Variants in ABCD3 observed in about 807,000 individuals in gnomAD.
ABCD3 encodes the protein ATP-binding cassette sub-family D member 3.
ABCD3 carries 41 observed loss-of-function variants against 105.5 expected under a neutral mutation model. The ratio of observed to expected loss-of-function variants is 0.39; its 90% CI spans 0.30 to 0.50. ABCD3 has a LOEUF of 0.50. Among genes scored for constraint, ABCD3 ranks in the 20% least tolerant of loss-of-function variants. ABCD3 has a pLI of 0.84. For synonymous variants in ABCD3, 258 were observed against 269.0 expected, an observed-to-expected ratio of 0.96 and a Z score of 0.40; for missense variants, 622 against 806.3, an observed-to-expected ratio of 0.77 and a Z score of 2.77.
intron 16 of ABCD3, among the ~76,000 whole-genome samples, chr1:94,492,432 T>C (rs1249824065): frequency 6.6e-6 from 1 of 152,218 alleles, no homozygotes. Flanking sequence ...TTGTTAGTTA[T>C]GCAAAGTACT....
At chr1:94,441,626 T>C (rs1158781577) in intron 1 of ABCD3, among the ~76,000 whole-genome samples, 2 of 152,318 alleles carry the variant, frequency 1.3e-5, no homozygotes, top group Non-Finnish European at 1.5e-5. Flanking sequence ...GAATAAACTA[T>C]GGTACTTACA....
At chr1:94,385,507 T>C in the ABCD3 span, among the ~76,000 whole-genome samples, 5 of 152,306 alleles carry the variant, frequency 3.3e-5, no homozygotes, top group South Asian at 6.2e-4. Flanking sequence ...CACAGAGCAC[T>C]TACCACCTGA....
intron 9 of ABCD3, among the ~76,000 whole-genome samples, chr1:94,481,063 GC>G (rs1649008142): frequency 1.3e-5 from 2 of 152,158 alleles, no homozygotes; most frequent in Admixed American, 6.6e-5. Context: ...TTTGGAGCCA[GC>G]CATACTAGCT....
intron 13 of ABCD3, 141 bp downstream of exon 13, chr1:94,488,124 A>G (rs964213060): frequency 2.7e-6 from 2 of 739,996 alleles, no homozygotes; most frequent in Non-Finnish European, 4.5e-6. Context: ...ATTAAGGAAG[A>G]TTTTTCTGAT....
chr1:94,483,819 T>C (rs1174316380), intron 10 of ABCD3, among the ~76,000 whole-genome samples: 1 of 152,148 alleles, frequency 6.6e-6, no homozygotes, highest in Admixed American at 6.5e-5. Context: ...AAAGAGCTTC[T>C]GCACAGCAAA....
intron 6 of ABCD3, 57 bp from the exon 7 acceptor site, chr1:94,475,556 TG>T: frequency 5.2e-6 from 8 of 1,548,934 alleles, no homozygotes; most frequent in Non-Finnish European, 6.2e-6. Context: ...ATTTTTTTGT[TG>T]TTGTTTTATC....
chr1:94,459,016 C>G (rs1647735720), intron 2 of ABCD3, among the ~76,000 whole-genome samples: 3 of 146,518 alleles, frequency 2.0e-5, no homozygotes, highest in South Asian at 4.6e-4. Flanking sequence ...CCTCCCCTCC[C>G]CTTCCCTCTT....
intron 5 of ABCD3, among the ~76,000 whole-genome samples, chr1:94,474,391 T>C (rs1029327704): frequency 3.3e-5 from 5 of 152,164 alleles, no homozygotes; most frequent in Non-Finnish European, 7.4e-5. Context: ...GTCTAAAATA[T>C]AAGTGATTTT....
Position 94,418,448 on chromosome 1 carries a change from C to A in ABCD3, c.-31C>A, listed in dbSNP as rs757998984. ...CCGCCGCCGCCGCCGCCGCCGCGTC[C>A]CCTCGCCGGCTCGCTGGTACCGGCA... On this transcript the variant is annotated 5_prime_UTR_variant, in exon 1 of 23. Transcript: ENST00000370214. 4.5e-6 allele frequency: 7 copies of A among 1,563,652 alleles called. No individual in the cohort carries two copies. Among genetic ancestry groups the A allele is most frequent in the East Asian group, 4.7e-5 (2 of 42,702 alleles).
chr1:94,414,439 C>G (rs1208286573), upstream of ABCD3, among the ~76,000 whole-genome samples: 1 of 152,144 alleles, frequency 6.6e-6, no homozygotes, highest in Admixed American at 6.5e-5. Flanking sequence ...CTCACATGGT[C>G]ACTACCTTTT....
At chr1:94,455,790 T>C (rs1647522966) in intron 1 of ABCD3, 1 of 1,256,468 alleles carries the variant, frequency 8.0e-7, no homozygotes, top group Non-Finnish European at 1.0e-6. Flanking sequence ...AGCTGACTGA[T>C]CATGTGACTC....
In ABCD3 at chr1:94,483,244, G is replaced by A; in HGVS notation, c.897+5G>A. The A allele has an allele frequency of 6.2e-7, 1 of 1,611,006 alleles. No individual in the cohort carries two copies. The highest frequency in any genetic ancestry group is 8.5e-7 in the Non-Finnish European group (1 of 1,177,354). On this transcript the variant is annotated splice_donor_5th_base_variant and intron_variant, in intron 10 of 22. Transcript: ENST00000370214. ...CACTCAGTCTTCCGAAAACTGGTAA[G>A]ATAACACACTTGAGGTTCATGTGTT...
chr1:94,480,479 A>T lies in ABCD3; in HGVS notation c.700A>T (p.Met234Leu). The change falls in exon 9 of 23, where the codon ATG becomes TTG. Residue 234 changes from methionine to leucine, a missense_variant. Transcript: ENST00000370214. ...ATAATAATAGGGCCCAGCGAGCATG[A>T]TGGCCTACTTGGTTGTTTCTGGGCT... ...AIGAQGPASMMAYLVVSGLFL... is the reference protein window; with the variant it reads ...AIGAQGPASMLAYLVVSGLFL... The T allele has an allele frequency of 2.5e-6, 4 of 1,613,852 alleles. No individual in the cohort carries two copies. The highest frequency in any genetic ancestry group is 3.4e-6 in the Non-Finnish European group (4 of 1,179,840).
intron 1 of ABCD3, among the ~76,000 whole-genome samples, chr1:94,429,339 A>G (rs1659587369): frequency 6.6e-6 from 1 of 152,222 alleles, no homozygotes; most frequent in Admixed American, 6.5e-5. Flanking sequence ...TCTGAGGGGA[A>G]ATGCAAGCCA....
intron 4 of ABCD3, among the ~76,000 whole-genome samples, chr1:94,469,546 A>G (rs1648340295): frequency 6.9e-6 from 1 of 145,094 alleles, no homozygotes. Flanking sequence ...GAGCTTTTTG[A>G]CAATACTGAG....
intron 1 of ABCD3, among the ~76,000 whole-genome samples, chr1:94,424,759 CTTT>C (rs1322563531): frequency 6.6e-6 from 1 of 152,166 alleles, no homozygotes; most frequent in Non-Finnish European, 1.5e-5. Flanking sequence ...CCAGACTTTA[CTTT>C]TCTCCTTAGC....
intron 2 of ABCD3, among the ~76,000 whole-genome samples, chr1:94,462,930 A>G (rs751607250): frequency 6.6e-6 from 1 of 152,118 alleles, no homozygotes. Flanking sequence ...TTTTCTTCCT[A>G]TGTTTTCTGG....
intron 8 of ABCD3, 57 bp from the exon 9 acceptor site, chr1:94,480,407 G>C: frequency 6.2e-7 from 1 of 1,600,498 alleles, no homozygotes; most frequent in Non-Finnish European, 8.6e-7. Context: ...TTGTATCTAA[G>C]TGAATTTATT....
intron 1 of ABCD3, among the ~76,000 whole-genome samples, chr1:94,438,418 G>C (rs1040192972): frequency 9.2e-5 from 14 of 151,642 alleles, no homozygotes; most frequent in African/African-American, 3.4e-4. Flanking sequence ...ATCTACTCTT[G>C]GTGAAGATGA....
Sources: gnomAD v4.1 joint callset for allele counts (sites outside exome capture counted in the v4.1 genomes callset) on GRCh38, gnomAD v4.1.1 for gene constraint, MANE v1.5 for transcripts, NCBI Gene and HGNC (gene_info 2026-07-23, HGNC 2026-07-21) for gene names.